The following RBM19 variants were observed in gnomAD, a reference collection of about 807,000 sequenced individuals.
The protein encoded by RBM19 is probable RNA-binding protein 19.
In RBM19, 94 loss-of-function variants were observed where a neutral mutation model predicts 116.8. That is an observed-to-expected ratio of 0.80 (90% CI 0.68 to 0.95). The LOEUF is 0.95. Among genes scored for constraint, RBM19 ranks in the 40% least tolerant of loss-of-function variants. RBM19 has a pLI of 0.00. For synonymous variants in RBM19, 475 were observed against 494.1 expected, an observed-to-expected ratio of 0.96 and a Z score of 0.51; for missense variants, 1,161 against 1,220.7, an observed-to-expected ratio of 0.95 and a Z score of 0.73.
rs535032621 is a variant in RBM19 at position 113,962,203 on chromosome 12, A to G, written c.219+29T>C. 22 of 1,608,436 alleles carry G rather than the reference A, an allele frequency of 1.4e-5. No individual in the cohort carries two copies. In the South Asian group the frequency reaches 2.4e-4, roughly 18 times the overall value. The stretch of plus-strand genomic sequence containing the variant: ...TCAAACAACGTCACACTTGACAGGA[A>G]GGTAAGGGTGAGACTCCTGCCCACT... On this transcript the variant is annotated intron_variant, in intron 2 of 23. Coordinates refer to ENST00000261741, the MANE Select transcript of RBM19 (RefSeq NM_016196.4).
chr12:113,924,781 C>T, intron 17 of RBM19, 24 bp from the exon 18 acceptor site: 1 of 1,525,192 alleles, frequency 6.6e-7, no homozygotes, highest in African/African-American at 1.4e-5. Context: ...TAACAAGTAT[C>T]ATCAGCAGCT....
At chr12:113,913,768 T>C (rs1483082691) in intron 21 of RBM19, among the ~76,000 whole-genome samples, 2 of 152,222 alleles carry the variant, frequency 1.3e-5, no homozygotes, top group African/African-American at 4.8e-5. Flanking sequence ...TGTGCAAGTG[T>C]AGAATGAACG....
intron 23 of RBM19, among the ~76,000 whole-genome samples, chr12:113,838,854 G>A (rs566047614): frequency 3.4e-4 from 52 of 152,334 alleles, no homozygotes; most frequent in Non-Finnish European, 6.6e-4. Context: ...GGTAATTCAC[G>A]CTGGTGGGGC....
At chr12:113,868,257 G>A (rs1878978443) in intron 21 of RBM19, among the ~76,000 whole-genome samples, 1 of 152,180 alleles carries the variant, frequency 6.6e-6, no homozygotes, top group South Asian at 2.1e-4. Flanking sequence ...AAACCCCAAA[G>A]CCTATGCTCT....
intron 12 of RBM19, 151 bp downstream of exon 12, chr12:113,946,203 T>C (rs1871005511): frequency 2.7e-5 from 29 of 1,075,922 alleles, no homozygotes; most frequent in Non-Finnish European, 3.7e-5. Context: ...ACTACTATTA[T>C]TCTCCCATTT....
chr12:113,947,807 CATG>C (rs754574227), intron 10 of RBM19, among the ~76,000 whole-genome samples: 3 of 152,214 alleles, frequency 2.0e-5, no homozygotes, highest in African/African-American at 7.2e-5. Flanking sequence ...AAGTGTCTTC[CATG>C]ATGATATTAG....
At chr12:113,904,948 AC>A (rs920756404) in intron 21 of RBM19, among the ~76,000 whole-genome samples, 2 of 152,194 alleles carry the variant, frequency 1.3e-5, no homozygotes, top group African/African-American at 4.8e-5. Flanking sequence ...CACCAAAGCC[AC>A]CATCAAACAT....
chr12:113,833,505 G>A (rs1251833638), intron 23 of RBM19, among the ~76,000 whole-genome samples: 1 of 152,212 alleles, frequency 6.6e-6, no homozygotes, highest in African/African-American at 2.4e-5. Flanking sequence ...GGCCAGACAA[G>A]GCCCCAGGAG....
At chr12:113,927,292 C>T in intron 16 of RBM19, 63 bp from the exon 17 acceptor site, 1 of 1,505,094 alleles carries the variant, frequency 6.6e-7, no homozygotes. Flanking sequence ...AATGTCAAAC[C>T]CACCAGAGCC....
intron 22 of RBM19, among the ~76,000 whole-genome samples, chr12:113,851,240 T>A (rs556610081): frequency 6.6e-6 from 1 of 152,296 alleles, no homozygotes; most frequent in Non-Finnish European, 1.5e-5. Context: ...CAGGGTCAGC[T>A]TCTGGGTGAT....
At chr12:113,935,075 T>C (rs958853424) in intron 16 of RBM19, among the ~76,000 whole-genome samples, 3 of 151,736 alleles carry the variant, frequency 2.0e-5, no homozygotes, top group African/African-American at 4.8e-5. Flanking sequence ...ACAGAATAAA[T>C]AGAAATTGTG....
chr12:113,926,944 T>C, intron 17 of RBM19, 110 bp downstream of exon 17: 1 of 1,258,366 alleles, frequency 7.9e-7, no homozygotes, highest in East Asian at 2.3e-5. Context: ...TGCTCCCAAG[T>C]GCATATTAAC....
At chr12:113,949,745 G>A (rs891053798) in intron 9 of RBM19, among the ~76,000 whole-genome samples, 7 of 152,162 alleles carry the variant, frequency 4.6e-5, no homozygotes, top group Admixed American at 6.5e-5. Flanking sequence ...GTCACCCCTC[G>A]GTGAGGCCAA....
Position 113,946,439 on chromosome 12 carries a change from T to A in RBM19, c.1444A>T (p.Lys482Ter). ...GCACTGGCATCCTCGCTGGCTTCCT[T>A]CTTGATGGTAGATGGTAACACGTGG... ...MLHVLPSTIKKEASEDASALG... is the reference protein window; with the variant it reads ...MLHVLPSTIK The change falls in exon 12 of 24, where the codon AAG becomes TAG. Residue 482 changes from lysine (K) to a stop codon, truncating the protein, a stop_gained. Coordinates refer to ENST00000261741, the MANE Select transcript of RBM19 (RefSeq NM_016196.4). LOFTEE classifies it high-confidence loss of function. 6.2e-7 allele frequency: 1 copy of A among 1,614,030 alleles called. No homozygotes were observed. The highest frequency in any genetic ancestry group is 8.5e-7 in the Non-Finnish European group (1 of 1,179,994).
At chr12:113,870,996 T>G (rs2059597) in intron 21 of RBM19, among the ~76,000 whole-genome samples, 64,015 of 152,020 alleles carry the variant, frequency 0.42, 14,259 homozygotes, top group East Asian at 0.83. Context: ...TATGGTTCAG[T>G]GAACCAGATT....
Position 113,823,148 on chromosome 12 carries a change from T to G in RBM19, c.*76A>C. 7.8e-5 allele frequency: 81 copies of G among 1,044,730 alleles called. No individual in the cohort carries two copies. The highest frequency in any genetic ancestry group is 1.8e-4 in the East Asian group (6 of 32,904). 64.7% of individuals were successfully genotyped at this position (1,044,730 alleles called of 1,614,324 possible). The stretch of plus-strand genomic sequence containing the variant: ...TCCCCGCCCCGCCCCCCAGCCCACA[T>G]GGTGGTGAGTGCAGAAGCTGGAGCG... On this transcript the variant is annotated 3_prime_UTR_variant, in exon 24 of 24. Transcript: ENST00000261741.
In RBM19 at chr12:113,835,758, A is replaced by G. The variant is rs368173815; in HGVS notation, c.2785+8910T>C. On this transcript the variant is annotated intron_variant, in intron 23 of 23. Coordinates refer to ENST00000261741, the MANE Select transcript of RBM19 (RefSeq NM_016196.4). ...GCGGGGGAAGGCCCCACTGCCAGCC[A>G]CTCGCCATGCTGGTCATGTCTGCGC... Among the ~76,000 whole-genome samples the G allele has an allele frequency of 2.3e-3, 350 of 152,208 alleles. 1 individual carries two copies. Among genetic ancestry groups the G allele is most frequent in the African/African-American group, 7.8e-3 (325 of 41,526 alleles).
intron 21 of RBM19, among the ~76,000 whole-genome samples, chr12:113,893,519 G>A (rs1247963385): frequency 6.6e-6 from 1 of 152,204 alleles, no homozygotes; most frequent in Non-Finnish European, 1.5e-5. Flanking sequence ...CACTGCGGAT[G>A]TCTTTTCCTT....
rs907873405 is a variant in RBM19, at chr12:113,903,560, G to A, written c.2558+11409C>T. Among the ~76,000 whole-genome samples, 2 of 152,204 alleles carry A rather than the reference G, an allele frequency of 1.3e-5. No homozygotes were observed. The highest frequency in any genetic ancestry group is 3.8e-4 in the East Asian group (2 of 5,200). On this transcript the variant is annotated intron_variant, in intron 21 of 23. Transcript: ENST00000261741. The surrounding 1 kb of genome is among the most constrained non-coding windows in gnomAD (Gnocchi z 5.1). ...ACACTTGGAATTTCCCAGAGCAGCT[G>A]TACCATTTTTGGCTCCCATGAGCAA...
Sources: gnomAD v4.1 joint callset for allele counts (sites outside exome capture counted in the v4.1 genomes callset) on GRCh38, gnomAD v4.1.1 for gene constraint, Gnocchi (gnomAD v3.1) non-coding constraint, MANE v1.5 for transcripts, NCBI Gene and HGNC (gene_info 2026-07-23, HGNC 2026-07-21) for gene names.